FRMPD2: variants seen among roughly 807,000 people sequenced by gnomAD.
The protein encoded by FRMPD2 is FERM and PDZ domain-containing protein 2.
Under a neutral mutation model 140.1 loss-of-function variants are expected in FRMPD2, and 96 were observed. The observed-to-expected ratio is 0.69, with a 90% confidence interval of 0.58 to 0.81. The LOEUF (loss-of-function observed/expected upper bound fraction) is 0.81, where lower values mean the gene tolerates loss of function less well. FRMPD2 is among the 40% of genes least tolerant of loss of function. FRMPD2 has a pLI of 0.00. For missense variants in FRMPD2, 1,240 were observed against 1,447.4 expected (o/e 0.86, Z 2.32); for synonymous variants, 449 against 547.6 (o/e 0.82, Z 2.52).
At chr10:48,197,218 C>T (rs750896306) in intron 15 of FRMPD2, among the ~76,000 whole-genome samples, 2 of 152,126 alleles carry the variant, frequency 1.3e-5, no homozygotes, top group African/African-American at 4.8e-5. Flanking sequence ...GCCCCAGGAC[C>T]CAATGACACA....
At chr10:48,211,933 T>A (rs1197735604) in intron 13 of FRMPD2, 21 bp downstream of exon 13, 2 of 1,609,950 alleles carry the variant, frequency 1.2e-6, no homozygotes, top group Non-Finnish European at 1.7e-6. Context: ...AACACCTCTC[T>A]CCAGGTCAGG....
Position 48,206,914 on chromosome 10 carries a change from T to C in FRMPD2, c.1631A>G (p.Glu544Gly). 6.2e-7 allele frequency: 1 copy of C among 1,613,880 alleles called. No individual in the cohort carries two copies. The highest frequency in any genetic ancestry group is 8.5e-7 in the Non-Finnish European group (1 of 1,179,836). ...TACTTGGTGAACCAGCACACCGTAT[T>C]CTGGGAGCTGCTGAGTGACCTGGAG... ...KFLRVTQQLP[E>G]YGVLVHQVFS... is the part of the protein sequence containing the mutation. The change falls in exon 14 of 29, where the codon GAA (glutamate) becomes GGA (glycine). Residue 544 changes from glutamate to glycine, a missense_variant. Physicochemically the swap from Glu to Gly is moderately conservative, Grantham distance 98 (BLOSUM62 -2). Transcript: ENST00000374201.
rs1188803020 is a variant in FRMPD2 at position 48,192,683 on chromosome 10, C to T, written c.2165+1G>A. On this transcript the variant is annotated splice_donor_variant, in intron 16 of 28. Coordinates refer to ENST00000374201, the MANE Select transcript of FRMPD2 (RefSeq NM_001018071.4). LOFTEE classifies it high-confidence loss of function. ...CCAGAGAACAAATGTGTCACACCCACCTGCGCCCGATGCCTTCTGCTCCAG... is the reference window on the plus strand; with the variant it reads ...CCAGAGAACAAATGTGTCACACCCATCTGCGCCCGATGCCTTCTGCTCCAG... The T allele has an allele frequency of 5.0e-6, 8 of 1,613,756 alleles. No individual in the cohort carries two copies. The highest frequency in any genetic ancestry group is 6.8e-6 in the Non-Finnish European group (8 of 1,179,804).
In FRMPD2 at chr10:48,251,669, C is replaced by A. The variant is rs376614666; in HGVS notation, c.48G>T (p.Thr16=). Residue 16 remains threonine (T), a synonymous_variant, in exon 2 of 29, where the codon ACG becomes ACT. Transcript: ENST00000374201. ...CCCTGACCTGTAGGGCGCTGGCCAGCGTCACAGAGGACAGGCTCATGCCTA... is the reference window on the plus strand; with the variant it reads ...CCCTGACCTGTAGGGCGCTGGCCAGAGTCACAGAGGACAGGCTCATGCCTA... ...KDAGMSLSSV[T]LASALQVRGE... The A allele has an allele frequency of 1.9e-6, 3 of 1,614,052 alleles. No individual in the cohort carries two copies. The highest frequency in any genetic ancestry group is 1.3e-5 in the African/African-American group (1 of 74,940).
chr10:48,200,815 A>G lies in FRMPD2; in HGVS notation c.1954+413T>C, dbSNP rs111411352. Among the ~76,000 whole-genome samples, 870 of 152,320 alleles carry G rather than the reference A, an allele frequency of 5.7e-3. 7 individuals are homozygous for G. The highest frequency in any genetic ancestry group is 0.02 in the African/African-American group (823 of 41,570). ...TCTTGGTTTATTTATCTGGTCTTCT[A>G]TGTTTGGATACTTAGATTGCTTTCA... On this transcript the variant is annotated intron_variant, in intron 15 of 28. Transcript: ENST00000374201.
At chr10:48,193,870 G>T (rs1454803997) in intron 15 of FRMPD2, among the ~76,000 whole-genome samples, 1 of 152,110 alleles carries the variant, frequency 6.6e-6, no homozygotes, top group Admixed American at 6.6e-5. Context: ...AATGGTGTCT[G>T]GTTCCCTGCC....
chr10:48,213,600 T>C (rs1349235668), intron 12 of FRMPD2, among the ~76,000 whole-genome samples: 3 of 151,936 alleles, frequency 2.0e-5, no homozygotes, highest in African/African-American at 7.3e-5. Flanking sequence ...GGTGAATGGA[T>C]AAATAAACTG....
At chr10:48,186,528 G>A (rs1486831270) in intron 17 of FRMPD2, among the ~76,000 whole-genome samples, 7 of 152,114 alleles carry the variant, frequency 4.6e-5, no homozygotes, top group African/African-American at 4.8e-5. Context: ...GGGTTTATCC[G>A]GGGTTTCCGC....
intron 10 of FRMPD2, among the ~76,000 whole-genome samples, chr10:48,223,849 G>C (rs1839665185): frequency 6.6e-6 from 1 of 152,306 alleles, no homozygotes; most frequent in South Asian, 2.1e-4. Context: ...AGACACCAGA[G>C]CTTCCTCTCT....
chr10:48,229,909 T>C (rs1243372907), intron 10 of FRMPD2, among the ~76,000 whole-genome samples: 1 of 152,138 alleles, frequency 6.6e-6, no homozygotes, highest in Non-Finnish European at 1.5e-5. Context: ...TCTGACAAGT[T>C]ACAGGTTTCT....
chr10:48,239,826 A>G, intron 6 of FRMPD2, 134 bp from the exon 7 acceptor site: 1 of 636,006 alleles, frequency 1.6e-6, no homozygotes, highest in Non-Finnish European at 2.8e-6. Context: ...AGCCTCTCTG[A>G]ATCTGTTTCC....
Position 48,240,446 on chromosome 10 carries a change from C to G in FRMPD2, c.614G>C (p.Arg205Thr). ...VEESSSVQQN[R>T]SYLLRKRLRG... ...CAGCCTCTTCCTGAGCAGGTAGCTT[C>G]TGTTCTGCTGCACAGAGGAGCTTTC... Residue 205 changes from arginine to threonine, a missense_variant, in exon 6 of 29, where the codon AGA becomes ACA. Around this residue, in one of 6 missense-constraint regions of FRMPD2, gnomAD observed 1,161 missense variants for 1,055.9 expected, o/e 1.10. Coordinates refer to ENST00000374201, the MANE Select transcript of FRMPD2 (RefSeq NM_001018071.4). 6.2e-7 allele frequency: 1 copy of G among 1,613,858 alleles called. No individual in the cohort carries two copies. Among genetic ancestry groups the G allele is most frequent in the Non-Finnish European group, 8.5e-7 (1 of 1,180,046 alleles).
rs749411359 is a variant in FRMPD2 at position 48,274,556 on chromosome 10, T to C, written c.12A>G (p.Leu4=). The C allele has an allele frequency of 3.1e-6, 5 of 1,614,022 alleles. No homozygotes were observed. Among genetic ancestry groups the C allele is most frequent in the African/African-American group, 2.7e-5 (2 of 74,920 alleles). Residue 4 remains leucine (L), a synonymous_variant, in exon 1 of 29, where the codon TTA becomes TTG. Coordinates refer to ENST00000374201, the MANE Select transcript of FRMPD2 (RefSeq NM_001018071.4). ...GCCAAGGAATACCTGCGTCCTTCGT[T>C]AAAGGCTGCATCCAAAAGTCTCCGT... The part of the protein sequence containing the change: MQP[L]TKDAGMSLSS...
intron 12 of FRMPD2, among the ~76,000 whole-genome samples, chr10:48,217,562 G>A (rs186568924): frequency 2.9e-4 from 44 of 152,238 alleles, no homozygotes; most frequent in Admixed American, 9.8e-4. Flanking sequence ...TTTTTAAAAC[G>A]AATGAGAATA....
chr10:48,202,547 A>T (rs1839111026), intron 14 of FRMPD2, among the ~76,000 whole-genome samples: 1 of 152,228 alleles, frequency 6.6e-6, no homozygotes, highest in East Asian at 1.9e-4. Context: ...ATAGGAATGG[A>T]TTCTGAATCC....
intron 18 of FRMPD2, 120 bp downstream of exon 18, chr10:48,185,433 G>A: frequency 1.4e-6 from 1 of 700,732 alleles, no homozygotes; most frequent in South Asian, 1.6e-5. Context: ...ACCAGAAAAG[G>A]CAGACTGGGA....
In FRMPD2 at chr10:48,156,829, A is replaced by G. The variant is rs1183052469; in HGVS notation, c.*493T>C. 2 of 212,680 alleles carry G rather than the reference A, an allele frequency of 9.4e-6. No individual in the cohort carries two copies. The highest frequency in any genetic ancestry group is 2.1e-3 in the Middle Eastern group (1 of 480). 13.2% of individuals were successfully genotyped at this position (212,680 alleles called of 1,614,324 possible). A position where few individuals can be genotyped will look rare whatever the true frequency, so the allele number is the denominator to read the frequency against. On this transcript the variant is annotated 3_prime_UTR_variant, in exon 29 of 29. Transcript: ENST00000374201. The stretch of plus-strand genomic sequence containing the variant: ...CTCAGTTTTCTCATTTGACAAAACT[A>G]GATGGTCAAGAAGCGTCTAGGATTA...
At chr10:48,198,151 A>G (rs1838995785) in intron 15 of FRMPD2, among the ~76,000 whole-genome samples, 1 of 152,254 alleles carries the variant, frequency 6.6e-6, no homozygotes, top group Non-Finnish European at 1.5e-5. Flanking sequence ...CTTAGTTATA[A>G]CAATAATACA....
chr10:48,269,086 TAAAC>T (rs752873510), intron 1 of FRMPD2, among the ~76,000 whole-genome samples: 3 of 152,034 alleles, frequency 2.0e-5, no homozygotes, highest in Admixed American at 2.0e-4. Flanking sequence ...AGTTAAGAAA[TAAAC>T]AGGTGAAAAA....
Sources: allele counts gnomAD v4.1 joint callset (sites outside exome capture counted in the v4.1 genomes callset), GRCh38; gene constraint gnomAD v4.1.1; regional missense constraint gnomAD v4.1.1; transcripts MANE v1.5; gene names NCBI Gene and HGNC (gene_info 2026-07-23, HGNC 2026-07-21).